The following DUSP16 variants were observed in gnomAD, a reference collection of about 807,000 sequenced individuals.
DUSP16 encodes dual specificity phosphatase 16.
Under a neutral mutation model 58.3 loss-of-function variants are expected in DUSP16, and 21 were observed. That is an observed-to-expected ratio of 0.36 (90% CI 0.26 to 0.52). DUSP16 has a LOEUF of 0.52. DUSP16 is among the 20% of genes least tolerant of loss of function. The pLI is 0.94. For synonymous variants in DUSP16, 320 were observed against 323.8 expected, an observed-to-expected ratio of 0.99 and a Z score of 0.12; for missense variants, 726 against 819.0, an observed-to-expected ratio of 0.89 and a Z score of 1.39.
chr12:12,541,517 G>C (rs1357845382), intron 1 of DUSP16, among the ~76,000 whole-genome samples: 1 of 152,216 alleles, frequency 6.6e-6, no homozygotes, highest in South Asian at 2.1e-4. Flanking sequence ...CAGTAAGGTA[G>C]GTAAATGGCA....
In DUSP16 at chr12:12,473,999, C is replaced by G. The variant is rs748823323; in HGVS notation, c.*2834G>C. On this transcript the variant is annotated 3_prime_UTR_variant, in exon 7 of 7. Coordinates refer to ENST00000298573, the MANE Select transcript of DUSP16 (RefSeq NM_030640.3). ...TTCACTGTAGTGTGCATTTAACGTACACAGTAAAGAATGAAGGCTGGCACT... is the reference window on the plus strand; with the variant it reads ...TTCACTGTAGTGTGCATTTAACGTAGACAGTAAAGAATGAAGGCTGGCACT... Among the ~76,000 whole-genome samples the G allele has an allele frequency of 5.9e-5, 9 of 152,258 alleles. No homozygotes were observed. Among genetic ancestry groups the G allele is most frequent in the Admixed American group, 2.0e-4 (3 of 15,298 alleles).
At chr12:12,494,044 G>A (rs919097770) in intron 4 of DUSP16, among the ~76,000 whole-genome samples, 1 of 152,118 alleles carries the variant, frequency 6.6e-6, no homozygotes. Context: ...ATACATGAAC[G>A]AACCCTTATC....
At chr12:12,497,664 A>AT in intron 4 of DUSP16, among the ~76,000 whole-genome samples, 1 of 134,766 alleles carries the variant, frequency 7.4e-6, no homozygotes, top group East Asian at 2.1e-4. Context: ...GTGGCACTTC[A>AT]TTTAAAAAAA....
intron 4 of DUSP16, among the ~76,000 whole-genome samples, chr12:12,498,370 C>CAAAG (rs1227477524): frequency 1.3e-5 from 2 of 151,706 alleles, no homozygotes; most frequent in Non-Finnish European, 2.9e-5. Flanking sequence ...ACCTAGAGGT[C>CAAAG]AAACATGCAT....
chr12:12,527,598 TAATA>T (rs1944324272), intron 1 of DUSP16, among the ~76,000 whole-genome samples: 2 of 152,152 alleles, frequency 1.3e-5, no homozygotes, highest in African/African-American at 4.8e-5. Context: ...CTTAAAAGTA[TAATA>T]TATACTTTAT....
Position 12,500,502 on chromosome 12 carries a change from AT to A in DUSP16, c.531+16del. The A allele has an allele frequency of 6.3e-7, 1 of 1,591,322 alleles. No homozygotes were observed. Among genetic ancestry groups the A allele is most frequent in the African/African-American group, 1.4e-5 (1 of 73,798 alleles). On this transcript the variant is annotated intron_variant, in intron 4 of 6. Coordinates refer to ENST00000298573, the MANE Select transcript of DUSP16 (RefSeq NM_030640.3). ...CAATATAAACCCAGCAATGAAGGATATTTTCAAAGCACCCACCTTGTTGAGG... is the reference window on the plus strand; with the variant it reads ...CAATATAAACCCAGCAATGAAGGATATTTCAAAGCACCCACCTTGTTGAGG...
chr12:12,481,696 A>G (rs1943567932), intron 5 of DUSP16, among the ~76,000 whole-genome samples: 1 of 152,172 alleles, frequency 6.6e-6, no homozygotes, highest in South Asian at 2.1e-4. Flanking sequence ...TCAGGAAACC[A>G]AACACAATAA....
chr12:12,555,590 ATC>A (rs776662809), intron 1 of DUSP16, among the ~76,000 whole-genome samples: 37 of 152,326 alleles, frequency 2.4e-4, no homozygotes, highest in South Asian at 1.2e-3. Context: ...ATACCATTAC[ATC>A]TTTTTTCTAT....
intron 4 of DUSP16, 144 bp from the exon 5 acceptor site, chr12:12,487,331 A>G (rs1943700065): frequency 2.2e-6 from 2 of 921,452 alleles, no homozygotes; most frequent in African/African-American, 3.3e-5. Flanking sequence ...CCAAAAACCT[A>G]GCAAAATGAC....
intron 1 of DUSP16, among the ~76,000 whole-genome samples, chr12:12,539,897 C>T (rs908142549): frequency 3.3e-5 from 5 of 151,600 alleles, no homozygotes; most frequent in Non-Finnish European, 5.9e-5. Flanking sequence ...CTAAAAAATA[C>T]GAAAAAATTA....
chr12:12,497,645 CAT>C (rs1431676886), intron 4 of DUSP16, among the ~76,000 whole-genome samples: 2 of 149,450 alleles, frequency 1.3e-5, no homozygotes, highest in African/African-American at 4.9e-5. Context: ...ATGCTTCTAA[CAT>C]ATTTTGGTGG....
intron 3 of DUSP16, chr12:12,506,119 A>G (rs969191078): frequency 2.6e-5 from 4 of 152,162 alleles, no homozygotes; most frequent in African/African-American, 9.7e-5. Flanking sequence ...TAGTGACTCC[A>G]GTTTCGTTTC....
chr12:12,500,460 G>A, intron 4 of DUSP16, 59 bp downstream of exon 4: 6 of 1,510,696 alleles, frequency 4.0e-6, no homozygotes, highest in Non-Finnish European at 5.3e-6. Context: ...ATGGGTAACT[G>A]CTGTTTCTCC....
rs868290772 is a variant in DUSP16, at chr12:12,487,027, C to A, written c.691+1G>T. The A allele has an allele frequency of 6.2e-7, 1 of 1,613,706 alleles. No homozygotes were observed. The highest frequency in any genetic ancestry group is 1.3e-5 in the African/African-American group (1 of 74,906). ...CCTGCAATATTATTTGAGCTACTTA[C>A]CAATGAAATCTACTGATTTGTCCAA... On this transcript the variant is annotated splice_donor_variant, in intron 5 of 6. Transcript: ENST00000298573. LOFTEE classifies it high-confidence loss of function.
intron 5 of DUSP16, among the ~76,000 whole-genome samples, chr12:12,483,396 TTTTC>T (rs1416960044): frequency 2.0e-5 from 3 of 152,156 alleles, no homozygotes; most frequent in African/African-American, 7.2e-5. Flanking sequence ...GGTTTACTTT[TTTTC>T]TTTTTTTTTC....
intron 1 of DUSP16, among the ~76,000 whole-genome samples, chr12:12,536,700 G>A (rs563731644): frequency 6.6e-6 from 1 of 151,846 alleles, no homozygotes; most frequent in Non-Finnish European, 1.5e-5. Flanking sequence ...AGCCAAGATC[G>A]CTGCCATTGC....
At chr12:12,516,955 C>A (rs1443390233) in intron 3 of DUSP16, among the ~76,000 whole-genome samples, 1 of 152,236 alleles carries the variant, frequency 6.6e-6, no homozygotes, top group Non-Finnish European at 1.5e-5. Flanking sequence ...CCACTTCCTT[C>A]TCCTTCAGTA....
intron 1 of DUSP16, among the ~76,000 whole-genome samples, chr12:12,551,063 G>T (rs1323841716): frequency 6.6e-6 from 1 of 151,736 alleles, no homozygotes. Context: ...TTATCTTGGG[G>T]AAAAGCATTT....
intron 4 of DUSP16, among the ~76,000 whole-genome samples, chr12:12,495,328 T>C (rs892426647): frequency 6.6e-6 from 1 of 151,950 alleles, no homozygotes; most frequent in Non-Finnish European, 1.5e-5. Context: ...GGAAATTACA[T>C]TGAATACAGC....
Sources: gnomAD v4.1 joint callset for allele counts (sites outside exome capture counted in the v4.1 genomes callset) on GRCh38, gnomAD v4.1.1 for gene constraint, MANE v1.5 for transcripts, NCBI Gene and HGNC (gene_info 2026-07-23, HGNC 2026-07-21) for gene names.